The following SPG11 variants were observed in gnomAD, a reference collection of about 807,000 sequenced individuals.
SPG11 encodes SPG11 vesicle trafficking associated, spatacsin.
A neutral mutation model predicts 274.0 loss-of-function variants in SPG11; 222 were observed. That is an observed-to-expected ratio of 0.81 (90% CI 0.73 to 0.91). The LOEUF (loss-of-function observed/expected upper bound fraction) is 0.91. Ranked by LOEUF, SPG11 falls within the 40% of genes least tolerant of loss-of-function variation. The pLI, the probability that SPG11 is intolerant of heterozygous loss-of-function variation, is 0.00. For missense variants in SPG11, 3,114 were observed against 2,872.7 expected, an observed-to-expected ratio of 1.08 and a Z score of -1.92; for synonymous variants, 1,144 against 1,039.7, an observed-to-expected ratio of 1.10 and a Z score of -1.93.
intron 27 of SPG11, among the ~76,000 whole-genome samples, chr15:44,590,068 A>C (rs1478622169): frequency 6.6e-6 from 1 of 152,150 alleles, no homozygotes; most frequent in African/African-American, 2.4e-5. Flanking sequence ...TGGCCTCCCA[A>C]AGTGCTGGGA....
At chr15:44,581,293 T>C (rs1305453987) in intron 30 of SPG11, among the ~76,000 whole-genome samples, 1 of 152,082 alleles carries the variant, frequency 6.6e-6, no homozygotes, top group Middle Eastern at 3.2e-3. Flanking sequence ...TGCAGCCTTA[T>C]CCTCCTGGGC....
chr15:44,654,853 A>C (rs975573468), intron 4 of SPG11, among the ~76,000 whole-genome samples: 9 of 152,288 alleles, frequency 5.9e-5, no homozygotes, highest in South Asian at 4.1e-4. Flanking sequence ...GAAAAAAAAA[A>C]AGTTAACATT....
At chr15:44,641,510 A>C (rs2084437118) in intron 7 of SPG11, among the ~76,000 whole-genome samples, 1 of 151,826 alleles carries the variant, frequency 6.6e-6, no homozygotes, top group African/African-American at 2.4e-5. Flanking sequence ...CAATAAGAAA[A>C]AGAAAAATAC....
Position 44,572,946 on chromosome 15 carries a change from C to CT in SPG11, c.6206-127dup, listed in dbSNP as rs2082453458. 5 of 881,134 alleles carry CT rather than the reference C, an allele frequency of 5.7e-6. No individual in the cohort carries two copies. The East Asian group carries it at 1.2e-4, about 22-fold the overall frequency. 54.6% of individuals were successfully genotyped at this position (881,134 alleles called of 1,614,324 possible). On this transcript the variant is annotated intron_variant, in intron 32 of 39. Transcript: ENST00000261866. The stretch of plus-strand genomic sequence containing the variant: ...CTCTCCGCTTGCTGAGCTTGAAACC[C>CT]TTGGCCTATTGGTCATTTTATAGGA...
At chr15:44,595,957 C>G (rs2083024754) in intron 25 of SPG11, 126 bp downstream of exon 25, 10 of 1,305,080 alleles carry the variant, frequency 7.7e-6, no homozygotes, top group Non-Finnish European at 1.1e-5. Flanking sequence ...TTGCAGTGAA[C>G]TTGGAAACAC....
At chr15:44,582,971 T>G (rs1411902121) in intron 30 of SPG11, among the ~76,000 whole-genome samples, 2 of 152,166 alleles carry the variant, frequency 1.3e-5, no homozygotes, top group Non-Finnish European at 2.9e-5. Context: ...AAGGTACAGA[T>G]GTCCACTCTC....
In SPG11 at chr15:44,596,943, C is replaced by T. The variant is rs1085307814; in HGVS notation, c.4002G>A (p.Arg1334=). The T allele has an allele frequency of 1.9e-6, 3 of 1,613,674 alleles. No individual in the cohort carries two copies. Among genetic ancestry groups the T allele is most frequent in the Non-Finnish European group, 1.7e-6 (2 of 1,179,940 alleles). The change falls in exon 24 of 40, where the codon AGG becomes AGA. Residue 1334 remains arginine (R), a splice_region_variant and synonymous_variant. Coordinates refer to ENST00000261866, the MANE Select transcript of SPG11 (RefSeq NM_025137.4). The stretch of plus-strand genomic sequence containing the variant: ...ATTGGCTGCTAGATTCACTGGATAA[C>T]CTATAATCAGAATTAGAGGTGGGGG... ...WNSIQQQEIK[R]LSSESSSQWA...
chr15:44,615,528 T>C lies in SPG11; in HGVS notation c.2873A>G (p.Glu958Gly). The change falls in exon 16 of 40, where the codon GAA (glutamate) becomes GGA (glycine). Residue 958 changes from glutamate to glycine, a missense_variant. By Grantham distance (98) the Glu-to-Gly change is moderately conservative (BLOSUM62 -2). Coordinates refer to ENST00000261866, the MANE Select transcript of SPG11 (RefSeq NM_025137.4). The stretch of plus-strand genomic sequence containing the variant: ...ACGGCTCAGTCTTAGGAGGAAGCAT[T>C]CAAAGTCTTCCAGTTCAGATGCCAA... Reference protein sequence around the residue: ...VFLASELEDFECFLLRLSRIG... With the variant: ...VFLASELEDFGCFLLRLSRIG... The C allele has an allele frequency of 6.2e-7, 1 of 1,614,116 alleles. No homozygotes were observed. The highest frequency in any genetic ancestry group is 2.2e-5 in the East Asian group (1 of 44,864).
At chr15:44,566,971 A>G (rs972490763) in intron 36 of SPG11, among the ~76,000 whole-genome samples, 1 of 151,882 alleles carries the variant, frequency 6.6e-6, no homozygotes, top group Admixed American at 6.5e-5. Flanking sequence ...CCAAAGTGCT[A>G]GGATTACAGG....
At chr15:44,576,430 C>G (rs1257028213) in intron 30 of SPG11, among the ~76,000 whole-genome samples, 1 of 151,738 alleles carries the variant, frequency 6.6e-6, no homozygotes, top group African/African-American at 2.4e-5. Flanking sequence ...GGGCGGATCA[C>G]AAGGTCAGGA....
intron 15 of SPG11, 101 bp downstream of exon 15, chr15:44,620,089 C>T: frequency 2.1e-6 from 2 of 935,324 alleles, no homozygotes; most frequent in Non-Finnish European, 3.4e-6. Context: ...AACAACACTA[C>T]ACTGGATTTA....
chr15:44,566,383 G>A (rs1353774387), intron 36 of SPG11, 78 bp from the exon 37 acceptor site: 25 of 1,415,546 alleles, frequency 1.8e-5, no homozygotes, highest in Non-Finnish European at 2.4e-5. Context: ...TGTGATCGTG[G>A]CTAGAATAGA....
At chr15:44,602,343 G>A (rs1208123526) in intron 20 of SPG11, among the ~76,000 whole-genome samples, 1 of 152,162 alleles carries the variant, frequency 6.6e-6, no homozygotes, top group Non-Finnish European at 1.5e-5. Context: ...TATTAGCTGT[G>A]AGACTGTCAT....
chr15:44,636,929 AAAAAAAAAAAAAAAAAAAAAAAAAAAAAC>A (rs2084279073), intron 7 of SPG11, among the ~76,000 whole-genome samples: 2 of 119,524 alleles, frequency 1.7e-5, no homozygotes, highest in East Asian at 2.6e-4. Context: ...CCATCTCAAA[AAAAAAAAAAAAAAAAAAAAAAAAAAAAAC>A]AAAAAAAAAA....
At chr15:44,630,181 G>T (rs115729606) in intron 8 of SPG11, among the ~76,000 whole-genome samples, 7,401 of 152,218 alleles carry the variant, frequency 0.049, 518 homozygotes, top group African/African-American at 0.15. Flanking sequence ...ATGTTGCATC[G>T]GCAGCTGAAG....
rs187758073 is a variant in SPG11 at position 44,641,064 on chromosome 15, C to T, written c.1603-7427G>A. Among the ~76,000 whole-genome samples the T allele has an allele frequency of 4.3e-4, 66 of 152,158 alleles. No homozygotes were observed. In the South Asian group the frequency reaches 0.011, roughly 26 times the overall value. ...AAAAAGTGCTCAGACAAATGGTTAT[C>T]GGTATGGGAAAAAATTAAAATAGCC... On this transcript the variant is annotated intron_variant, in intron 7 of 39. Transcript: ENST00000261866.
intron 17 of SPG11, 106 bp from the exon 18 acceptor site, chr15:44,611,091 TAAAAAAAAAAA>T (rs35831490): frequency 0.011 from 747 of 70,050 alleles, 35 homozygotes; most frequent in Middle Eastern, 0.053. Context: ...CTATCCCCAG[TAAAAAAAAAAA>T]AAAAAAAAAA....
In SPG11 at chr15:44,657,141, T is replaced by C. The variant is rs1327782261; in HGVS notation, c.823A>G (p.Ser275Gly). 6.2e-7 allele frequency: 1 copy of C among 1,614,198 alleles called. No individual in the cohort carries two copies. Among genetic ancestry groups the C allele is most frequent in the East Asian group, 2.2e-5 (1 of 44,886 alleles). ...SQDLDVAVIV[S>G]SSNSAVALNL... ...AGAGCAACTGCGGAGTTGGAGGAGC[T>C]GACAATCACTGCAACATCGAGGTCT... is the stretch of plus-strand genomic sequence containing the variant. Residue 275 changes from serine to glycine, a missense_variant, in exon 4 of 40, where the codon AGC becomes GGC. Ser to Gly is a moderately conservative substitution (Grantham distance 56, BLOSUM62 0). Transcript: ENST00000261866.
intron 7 of SPG11, among the ~76,000 whole-genome samples, chr15:44,643,093 G>A (rs1229498696): frequency 2.6e-5 from 4 of 152,166 alleles, no homozygotes; most frequent in Non-Finnish European, 5.9e-5. Flanking sequence ...CCAAAGCAAT[G>A]TTGTATATAC....
Sources: gnomAD v4.1 joint callset for allele counts (sites outside exome capture counted in the v4.1 genomes callset) on GRCh38, gnomAD v4.1.1 for gene constraint, MANE v1.5 for transcripts, NCBI Gene and HGNC (gene_info 2026-07-23, HGNC 2026-07-21) for gene names.